Variants in C4orf36 observed in about 807,000 individuals in gnomAD.
C4orf36 encodes uncharacterized protein C4orf36.
A neutral mutation model predicts 12.2 loss-of-function variants in C4orf36; 11 were observed. That is an observed-to-expected ratio of 0.90 (90% CI 0.57 to 1.49). The LOEUF is 1.49. Ranked by LOEUF, C4orf36 falls within the 40% of genes most tolerant of loss-of-function variation. C4orf36 has a pLI of 0.00. For missense variants in C4orf36, 137 were observed against 133.9 expected, an observed-to-expected ratio of 1.02 and a Z score of -0.11; for synonymous variants, 54 against 51.3, an observed-to-expected ratio of 1.05 and a Z score of -0.22.
At chr4:86,902,333 G>A in the C4orf36 span, among the ~76,000 whole-genome samples, 1 of 148,820 alleles carries the variant, frequency 6.7e-6, no homozygotes, top group African/African-American at 2.5e-5. Flanking sequence ...GAGGCAGGGG[G>A]ATCTCTTGAG....
chr4:86,933,058 ATAGTG>A, the C4orf36 span: 1 of 152,186 alleles, frequency 6.6e-6, no homozygotes, highest in African/African-American at 2.4e-5. Context: ...TAAAGTAGAT[ATAGTG>A]TAATCACTTT....
intron 2 of C4orf36, chr4:86,890,048 C>T (rs760739965): frequency 3.5e-4 from 157 of 454,078 alleles, no homozygotes; most frequent in Non-Finnish European, 6.1e-4. Flanking sequence ...ACAAACTCAC[C>T]GGGCACAGTG....
At chr4:86,913,414 G>T in the C4orf36 span, 3 of 742,660 alleles carry the variant, frequency 4.0e-6, no homozygotes, top group South Asian at 1.4e-5. Flanking sequence ...CTCCAACACC[G>T]TGTTGCGGTC....
intron 4 of C4orf36, 135 bp downstream of exon 4, chr4:86,887,623 C>A: frequency 9.7e-7 from 1 of 1,030,834 alleles, no homozygotes; most frequent in Non-Finnish European, 1.4e-6. Context: ...GGGTACTAAC[C>A]CACAGCTGTG....
upstream of C4orf36, among the ~76,000 whole-genome samples, chr4:86,895,798 T>G (rs761152568): frequency 5.3e-5 from 8 of 152,230 alleles, no homozygotes; most frequent in Non-Finnish European, 5.9e-5. Context: ...TATTGCTATC[T>G]CTATTCATCT....
At chr4:86,893,466 G>A (rs532060657), upstream of C4orf36, among the ~76,000 whole-genome samples, 4 of 151,968 alleles carry the variant, frequency 2.6e-5, no homozygotes, top group South Asian at 2.1e-4. Context: ...CGCGCCTGTC[G>A]TCCCAGCTAT....
At chr4:86,904,274 T>A in the C4orf36 span, among the ~76,000 whole-genome samples, 1 of 152,122 alleles carries the variant, frequency 6.6e-6, no homozygotes, top group Admixed American at 6.5e-5. Context: ...CAGCCCTGGC[T>A]CCGCCCGCGC....
the C4orf36 span, among the ~76,000 whole-genome samples, chr4:86,901,349 C>T: frequency 2.6e-4 from 39 of 147,554 alleles, 1 homozygote; most frequent in African/African-American, 9.6e-4. Context: ...CATATCTGAT[C>T]TCTTCTCTCT....
chr4:86,914,064 G>A, the C4orf36 span: 6 of 1,610,668 alleles, frequency 3.7e-6, no homozygotes, highest in Admixed American at 8.3e-5. Flanking sequence ...GAGGACTGTG[G>A]AGCGAATTGG....
chr4:86,889,703 G>A (rs1055064656), intron 2 of C4orf36, among the ~76,000 whole-genome samples: 1 of 151,904 alleles, frequency 6.6e-6, no homozygotes, highest in African/African-American at 2.4e-5. Flanking sequence ...ATCGCTGGAG[G>A]CCAGAAGGCC....
At chr4:86,880,712 T>C (rs1394860433) in intron 4 of C4orf36, among the ~76,000 whole-genome samples, 2 of 151,658 alleles carry the variant, frequency 1.3e-5, no homozygotes, top group Non-Finnish European at 2.9e-5. Flanking sequence ...CATAGAAAAA[T>C]ATAAAGCTTT....
chr4:86,924,913 G>A, the C4orf36 span: 2 of 152,292 alleles, frequency 1.3e-5, no homozygotes, highest in African/African-American at 4.8e-5. Context: ...TGCTGGCATC[G>A]GCTTATCTTC....
the C4orf36 span, chr4:86,933,038 A>G: frequency 2.6e-4 from 40 of 152,282 alleles, no homozygotes; most frequent in African/African-American, 8.2e-4. Flanking sequence ...AGTAGATATA[A>G]AAAATTTTTT....
chr4:86,891,910 G>A (rs1324443670), intron 1 of C4orf36, among the ~76,000 whole-genome samples: 2 of 152,236 alleles, frequency 1.3e-5, no homozygotes, highest in South Asian at 2.1e-4. Flanking sequence ...TGGCAGTGCT[G>A]AGCGACCAAA....
At chr4:86,928,660 A>G in the C4orf36 span, among the ~76,000 whole-genome samples, 19 of 152,330 alleles carry the variant, frequency 1.2e-4, 1 homozygote, top group South Asian at 3.7e-3. Context: ...CGTAGTATAC[A>G]ATCAGTAAAT....
At chr4:86,923,057 T>C in the C4orf36 span, among the ~76,000 whole-genome samples, 4 of 151,320 alleles carry the variant, frequency 2.6e-5, no homozygotes, top group Non-Finnish European at 5.9e-5. Flanking sequence ...GTAGCTGGGA[T>C]TACAGGTGCT....
At chr4:86,906,000 C>T in the C4orf36 span, among the ~76,000 whole-genome samples, 17 of 152,230 alleles carry the variant, frequency 1.1e-4, no homozygotes, top group African/African-American at 4.1e-4. Flanking sequence ...GGATTACCCA[C>T]GTGAGCCACC....
chr4:86,907,841 C>T, the C4orf36 span, among the ~76,000 whole-genome samples: 3 of 151,694 alleles, frequency 2.0e-5, no homozygotes, highest in African/African-American at 4.8e-5. Flanking sequence ...TGGTAGCGCA[C>T]GCCTGTAATC....
the C4orf36 span, among the ~76,000 whole-genome samples, chr4:86,900,044 T>C: frequency 1.3e-5 from 2 of 152,010 alleles, no homozygotes; most frequent in African/African-American, 4.8e-5. Context: ...GCAGCTTTTT[T>C]TTTTTTTCTG....
Sources: allele counts gnomAD v4.1 joint callset (sites outside exome capture counted in the v4.1 genomes callset), GRCh38; gene constraint gnomAD v4.1.1; transcripts MANE v1.5; gene names NCBI Gene and HGNC (gene_info 2026-07-23, HGNC 2026-07-21).